GRM1: variants seen among roughly 807,000 people sequenced by gnomAD.
GRM1 encodes glutamate metabotropic receptor 1.
In GRM1, 33 loss-of-function variants were observed where a neutral mutation model predicts 90.9. That is an observed-to-expected ratio of 0.36 (90% CI 0.28 to 0.49). The LOEUF (loss-of-function observed/expected upper bound fraction) is 0.49, where lower values mean the gene tolerates loss of function less well. Ranked by LOEUF, GRM1 falls within the 20% of genes least tolerant of loss-of-function variation. The pLI, the probability that GRM1 is intolerant of heterozygous loss-of-function variation, is 0.99. For synonymous variants in GRM1, 700 were observed against 613.2 expected (o/e 1.14, Z -2.09); for missense variants, 1,190 against 1,534.3 (o/e 0.78, Z 3.75).
intron 1 of GRM1, among the ~76,000 whole-genome samples, chr6:146,079,609 G>T (rs774999403): frequency 5.3e-5 from 8 of 152,156 alleles, no homozygotes; most frequent in Non-Finnish European, 1.2e-4. Flanking sequence ...ACAGATGAGA[G>T]TGTGTCGAAC....
At chr6:146,346,799 A>T in intron 3 of GRM1, among the ~76,000 whole-genome samples, 1 of 152,184 alleles carries the variant, frequency 6.6e-6, no homozygotes. Context: ...TTCTATTTTG[A>T]TCTGAATTGA....
In GRM1 at chr6:146,073,928, T is replaced by C. The variant is rs185997966; in HGVS notation, c.700+43711T>C. ...TCCATATGTGGAGAAAAAAGAGATA[T>C]TGACACTATTTAGAAATATTGATCC... On this transcript the variant is annotated intron_variant, in intron 1 of 7. Coordinates refer to ENST00000282753, the MANE Select transcript of GRM1 (RefSeq NM_001278064.2). Among the ~76,000 whole-genome samples the C allele has an allele frequency of 2.3e-3, 346 of 152,250 alleles. 3 individuals are homozygous for C. The highest frequency in any genetic ancestry group is 7.9e-3 in the African/African-American group (329 of 41,546).
chr6:146,318,242 C>T (rs1784045355), intron 3 of GRM1, among the ~76,000 whole-genome samples: 1 of 152,052 alleles, frequency 6.6e-6, no homozygotes, highest in South Asian at 2.1e-4. Context: ...TGAGTGAGAA[C>T]ATGCAGTGTT....
chr6:146,296,187 C>A (rs1421715056), intron 2 of GRM1, among the ~76,000 whole-genome samples: 6 of 152,160 alleles, frequency 3.9e-5, no homozygotes, highest in Non-Finnish European at 8.8e-5. Context: ...CATTTACTTG[C>A]ATGTGTCTTT....
At chr6:146,156,806 A>C (rs1256817934) in intron 1 of GRM1, among the ~76,000 whole-genome samples, 1 of 152,234 alleles carries the variant, frequency 6.6e-6, no homozygotes, top group Non-Finnish European at 1.5e-5. Context: ...TAAGGGCTAC[A>C]GGAATGGTCC....
At chr6:146,032,938 C>T (rs1388087814) in intron 1 of GRM1, among the ~76,000 whole-genome samples, 1 of 151,680 alleles carries the variant, frequency 6.6e-6, no homozygotes, top group African/African-American at 2.4e-5. Flanking sequence ...TGAAGCTAAA[C>T]TTGCAGATAT....
chr6:146,065,545 G>C lies in GRM1; in HGVS notation c.700+35328G>C, dbSNP rs150925669. Among the ~76,000 whole-genome samples the C allele has an allele frequency of 4.0e-3, 608 of 152,306 alleles. 2 individuals are homozygous for C. Among genetic ancestry groups the C allele is most frequent in the African/African-American group, 0.013 (556 of 41,576 alleles). ...CTGGCACACAGTATATTGTTACAGA[G>C]TTTGCCACCATGATTACTACCCATT... is the stretch of plus-strand genomic sequence containing the variant. On this transcript the variant is annotated intron_variant, in intron 1 of 7. Coordinates refer to ENST00000282753, the MANE Select transcript of GRM1 (RefSeq NM_001278064.2).
At chr6:146,087,250 T>A (rs1208031907) in intron 1 of GRM1, among the ~76,000 whole-genome samples, 1 of 152,134 alleles carries the variant, frequency 6.6e-6, no homozygotes, top group Non-Finnish European at 1.5e-5. Flanking sequence ...TCTTTTTATT[T>A]TGACCTAATT....
chr6:146,304,653 G>A lies in GRM1; in HGVS notation c.993G>A (p.Glu331=). The A allele has an allele frequency of 6.2e-7, 1 of 1,613,928 alleles. No homozygotes were observed. The highest frequency in any genetic ancestry group is 1.3e-5 in the African/African-American group (1 of 75,026). The change falls in exon 3 of 8, where the codon GAG becomes GAA. Residue 331 remains glutamate, a synonymous_variant. Coordinates refer to ENST00000282753, the MANE Select transcript of GRM1 (RefSeq NM_001278064.2). ...GAGATGAAGTCATTGAAGGTTATGA[G>A]GTGGAAGCCAACGGGGGAATCACGA... ...ADRDEVIEGY[E]VEANGGITIK... is the part of the protein sequence containing the mutation.
At chr6:146,377,221 G>A (rs896689939) in intron 5 of GRM1, among the ~76,000 whole-genome samples, 1 of 152,146 alleles carries the variant, frequency 6.6e-6, no homozygotes, top group Admixed American at 6.5e-5. Flanking sequence ...AAATGTGGAA[G>A]CAACTTTAGA....
At chr6:146,048,559 G>A (rs1562428073) in intron 1 of GRM1, among the ~76,000 whole-genome samples, 2 of 151,908 alleles carry the variant, frequency 1.3e-5, no homozygotes, top group East Asian at 1.9e-4. Flanking sequence ...AAAAAAGTTG[G>A]AACCCTAATA....
Position 146,159,554 on chromosome 6 carries a change from A to G in GRM1, c.907A>G (p.Met303Val). 1 of 1,613,670 alleles carries G rather than the reference A, an allele frequency of 6.2e-7. No individual in the cohort carries two copies. The highest frequency in any genetic ancestry group is 8.5e-7 in the Non-Finnish European group (1 of 1,179,872). ...GMTVRGLLSAMRRLGVVGEFS... is the reference protein window; with the variant it reads ...GMTVRGLLSAVRRLGVVGEFS... ...GACAGTGCGAGGACTCCTGAGCGCCATGCGGCGCCTTGGCGTCGTGGGCGA... is the reference window on the plus strand; with the variant it reads ...GACAGTGCGAGGACTCCTGAGCGCCGTGCGGCGCCTTGGCGTCGTGGGCGA... The change falls in exon 2 of 8, where the codon ATG becomes GTG. Residue 303 changes from methionine to valine, a missense_variant. Physicochemically the swap from Met to Val is conservative, Grantham distance 21. This residue lies in a region of GRM1 where 414 missense variants were observed against 598.4 expected (regional missense o/e 0.69). Coordinates refer to ENST00000282753, the MANE Select transcript of GRM1 (RefSeq NM_001278064.2).
chr6:146,109,752 C>T (rs1253529845), intron 1 of GRM1, among the ~76,000 whole-genome samples: 3 of 152,182 alleles, frequency 2.0e-5, no homozygotes, highest in African/African-American at 7.2e-5. Flanking sequence ...AGAAGGGAGG[C>T]TGTACCCTGC....
chr6:146,256,145 G>T (rs1781469817), intron 2 of GRM1, among the ~76,000 whole-genome samples: 1 of 152,148 alleles, frequency 6.6e-6, no homozygotes, highest in Non-Finnish European at 1.5e-5. Context: ...TCTGGGATCT[G>T]CCACTGTGAG....
At chr6:146,084,375 G>A (rs951364251) in intron 1 of GRM1, among the ~76,000 whole-genome samples, 13 of 152,000 alleles carry the variant, frequency 8.6e-5, no homozygotes, top group African/African-American at 3.1e-4. Flanking sequence ...CGGGCATTGA[G>A]TGCCATAAAT....
At chr6:146,055,639 G>A (rs1271232231) in intron 1 of GRM1, among the ~76,000 whole-genome samples, 1 of 152,080 alleles carries the variant, frequency 6.6e-6, no homozygotes, top group Non-Finnish European at 1.5e-5. Flanking sequence ...GGCTGGGGAG[G>A]TGTGCTTCTT....
intron 1 of GRM1, among the ~76,000 whole-genome samples, chr6:146,100,459 T>C (rs1219887300): frequency 6.6e-6 from 1 of 152,204 alleles, no homozygotes; most frequent in Non-Finnish European, 1.5e-5. Context: ...TTTTAATTGA[T>C]TTTATATATG....
chr6:146,045,027 C>T (rs907675363), intron 1 of GRM1, among the ~76,000 whole-genome samples: 3 of 151,860 alleles, frequency 2.0e-5, no homozygotes, highest in African/African-American at 7.2e-5. Context: ...GATTTCTGGA[C>T]CGCAATATGG....
At chr6:146,227,268 C>T (rs1780275035) in intron 2 of GRM1, among the ~76,000 whole-genome samples, 1 of 151,948 alleles carries the variant, frequency 6.6e-6, no homozygotes, top group South Asian at 2.1e-4. Flanking sequence ...CACAGAAAGG[C>T]TTCTGCTTTC....
Sources: allele counts gnomAD v4.1 joint callset (sites outside exome capture counted in the v4.1 genomes callset), GRCh38; gene constraint gnomAD v4.1.1; regional missense constraint gnomAD v4.1.1; transcripts MANE v1.5; gene names NCBI Gene and HGNC (gene_info 2026-07-23, HGNC 2026-07-21).